The following PRDM5 variants were observed in gnomAD, a reference collection of about 807,000 sequenced individuals.
PRDM5 encodes PR domain zinc finger protein 5.
A neutral mutation model predicts 81.2 loss-of-function variants in PRDM5; 56 were observed. That is an observed-to-expected ratio of 0.69 (90% CI 0.56 to 0.86). PRDM5 has a LOEUF of 0.86. PRDM5 is among the 40% of genes least tolerant of loss of function. PRDM5 has a pLI of 0.00. For missense variants in PRDM5, 697 were observed against 770.1 expected, an observed-to-expected ratio of 0.91 and a Z score of 1.12; for synonymous variants, 267 against 256.4, an observed-to-expected ratio of 1.04 and a Z score of -0.39.
At chr4:120,717,233 C>T (rs1282125347) in intron 14 of PRDM5, among the ~76,000 whole-genome samples, 1 of 152,026 alleles carries the variant, frequency 6.6e-6, no homozygotes, top group Non-Finnish European at 1.5e-5. Context: ...ATAGCTTGTC[C>T]TTTGTCATCA....
At chr4:120,722,662 G>A (rs924814658) in intron 14 of PRDM5, among the ~76,000 whole-genome samples, 18 of 152,122 alleles carry the variant, frequency 1.2e-4, no homozygotes, top group East Asian at 7.7e-4. Flanking sequence ...ATTTGCAGAC[G>A]CATTTGGGGA....
downstream of PRDM5, among the ~76,000 whole-genome samples, chr4:120,689,835 G>A (rs917993449): frequency 6.6e-6 from 1 of 151,910 alleles, no homozygotes; most frequent in Non-Finnish European, 1.5e-5. Flanking sequence ...GGCTGTTGTC[G>A]AACTCCTGGG....
intron 3 of PRDM5, among the ~76,000 whole-genome samples, chr4:120,850,508 A>G (rs929964115): frequency 6.6e-6 from 1 of 152,152 alleles, no homozygotes; most frequent in East Asian, 1.9e-4. Context: ...CAAGGGAGCT[A>G]ACAAAGATCC....
At chr4:120,841,924 C>T (rs993657308) in intron 3 of PRDM5, among the ~76,000 whole-genome samples, 2 of 152,170 alleles carry the variant, frequency 1.3e-5, no homozygotes, top group Non-Finnish European at 2.9e-5. Flanking sequence ...ATATTTAGTG[C>T]AATATTGATT....
intron 2 of PRDM5, among the ~76,000 whole-genome samples, chr4:120,883,697 A>G (rs2667174): frequency 1 from 152,032 of 152,216 alleles, 75,924 homozygotes; most frequent in Middle Eastern, 1. Flanking sequence ...AAGTCTGCAC[A>G]TTGTGCACAT....
chr4:120,719,419 A>C (rs375308451), intron 14 of PRDM5, among the ~76,000 whole-genome samples: 1 of 152,228 alleles, frequency 6.6e-6, no homozygotes, highest in African/African-American at 2.4e-5. Flanking sequence ...AGAGTTCTAA[A>C]CACTTCTTCA....
chr4:120,687,286 A>G (rs1460660833), downstream of PRDM5, among the ~76,000 whole-genome samples: 2 of 151,176 alleles, frequency 1.3e-5, no homozygotes, highest in Non-Finnish European at 3.0e-5. Flanking sequence ...CCATTTAACA[A>G]CTCTTATTTT....
intron 8 of PRDM5, among the ~76,000 whole-genome samples, chr4:120,801,341 T>C (rs1752092937): frequency 6.6e-6 from 1 of 152,184 alleles, no homozygotes; most frequent in African/African-American, 2.4e-5. Context: ...TTGATCTAAA[T>C]GGCCATAGAA....
At chr4:120,746,057 ACAG>A (rs1489658683) in intron 14 of PRDM5, among the ~76,000 whole-genome samples, 1 of 142,538 alleles carries the variant, frequency 7.0e-6, no homozygotes, top group East Asian at 2.0e-4. Flanking sequence ...AGTAACCAAA[ACAG>A]CATGGTACTG....
intron 10 of PRDM5, among the ~76,000 whole-genome samples, chr4:120,793,109 G>A (rs9996180): frequency 0.063 from 9,629 of 152,084 alleles, 560 homozygotes; most frequent in African/African-American, 0.16. Context: ...GGTGAGTGGC[G>A]GGCAAGTGAG....
chr4:120,768,809 T>C (rs1028481434), intron 13 of PRDM5, among the ~76,000 whole-genome samples: 2 of 152,208 alleles, frequency 1.3e-5, no homozygotes, highest in African/African-American at 2.4e-5. Context: ...GTTGACCACA[T>C]GTTGTTCTTT....
chr4:120,745,406 A>T (rs879883535), intron 14 of PRDM5, among the ~76,000 whole-genome samples: 4,608 of 139,546 alleles, frequency 0.033, 121 homozygotes, highest in African/African-American at 0.084. Flanking sequence ...ACTCCTATTC[A>T]ACATAGTGTT....
chr4:120,868,433 T>G (rs1445541375), intron 2 of PRDM5, among the ~76,000 whole-genome samples: 1 of 151,658 alleles, frequency 6.6e-6, no homozygotes, highest in African/African-American at 2.4e-5. Context: ...CAGGATTTGC[T>G]TCTAAATGAG....
Position 120,732,520 on chromosome 4 carries a change from C to T in PRDM5, c.1623+22033G>A, listed in dbSNP as rs531305345. Reference sequence around the variant, plus strand: ...AAATTTTATATTCATTGTAACTTATCTCTTGAAATCAGATGTATTGCTTGA... The same window carrying T: ...AAATTTTATATTCATTGTAACTTATTTCTTGAAATCAGATGTATTGCTTGA... On this transcript the variant is annotated intron_variant, in intron 14 of 15. Transcript: ENST00000264808. 3.3e-5 allele frequency among the ~76,000 whole-genome samples: 5 copies of T among 152,196 alleles called. No homozygotes were observed. In the East Asian group the frequency reaches 7.7e-4, roughly 23 times the overall value.
intron 1 of PRDM5, 22 bp downstream of exon 1, chr4:120,922,494 A>G: frequency 6.3e-7 from 1 of 1,582,290 alleles, no homozygotes; most frequent in Non-Finnish European, 8.6e-7. Flanking sequence ...AGGGGCGCGC[A>G]GGCCGCCGCC....
chr4:120,886,400 A>T (rs1258186955), intron 2 of PRDM5, among the ~76,000 whole-genome samples: 1 of 152,364 alleles, frequency 6.6e-6, no homozygotes, highest in African/African-American at 2.4e-5. Context: ...GGACAGCTGT[A>T]ATCACATAAT....
At chr4:120,881,840 T>C (rs1762874029) in intron 2 of PRDM5, among the ~76,000 whole-genome samples, 1 of 152,224 alleles carries the variant, frequency 6.6e-6, no homozygotes, top group African/African-American at 2.4e-5. Context: ...TATTCTATTG[T>C]CTAATGTTCA....
chr4:120,800,030 C>T (rs1038152314), intron 8 of PRDM5, among the ~76,000 whole-genome samples: 1 of 152,188 alleles, frequency 6.6e-6, no homozygotes, highest in Non-Finnish European at 1.5e-5. Flanking sequence ...TAAAAAATTA[C>T]ACCTAATATA....
At chr4:120,752,657 T>C (rs1022179118) in intron 14 of PRDM5, among the ~76,000 whole-genome samples, 3 of 152,118 alleles carry the variant, frequency 2.0e-5, no homozygotes, top group Non-Finnish European at 2.9e-5. Flanking sequence ...AGAAAATATA[T>C]GAGACAGTGG....
Sources: gnomAD v4.1 joint callset for allele counts (sites outside exome capture counted in the v4.1 genomes callset) on GRCh38, gnomAD v4.1.1 for gene constraint, MANE v1.5 for transcripts, NCBI Gene and HGNC (gene_info 2026-07-23, HGNC 2026-07-21) for gene names.